MEP1B: variants seen among roughly 807,000 people sequenced by gnomAD.
The protein encoded by MEP1B is meprin A subunit beta, also known as N-benzoyl-L-tyrosyl-P-amino-benzoic acid hydrolase subunit beta.
In MEP1B, 80 loss-of-function variants were observed where a neutral mutation model predicts 84.6. That is an observed-to-expected ratio of 0.95 (90% CI 0.79 to 1.14). The LOEUF (loss-of-function observed/expected upper bound fraction) is 1.14, where lower values mean the gene tolerates loss of function less well. MEP1B is among the 50% of genes most tolerant of loss of function. The pLI is 0.00. For missense variants in MEP1B, 766 were observed against 855.1 expected (o/e 0.90, Z 1.30); for synonymous variants, 273 against 288.1 (o/e 0.95, Z 0.53).
intron 9 of MEP1B, among the ~76,000 whole-genome samples, chr18:32,210,097 C>CT (rs1318262892): frequency 6.6e-6 from 1 of 152,192 alleles, no homozygotes; most frequent in Non-Finnish European, 1.5e-5. Context: ...GTTTTGGACA[C>CT]TTGAAAGGTG....
rs777598097 is a variant in MEP1B, at chr18:32,208,079, T to C, written c.767-40T>C. 3.7e-6 allele frequency: 6 copies of C among 1,601,336 alleles called. No individual in the cohort carries two copies. In the South Asian group the frequency reaches 6.7e-5, roughly 18 times the overall value. ...TCAGTTTTTGTTACTTAGATTATCATGTTGTATGAGTGTCAATAATTGTTT... is the reference window on the plus strand; with the variant it reads ...TCAGTTTTTGTTACTTAGATTATCACGTTGTATGAGTGTCAATAATTGTTT... On this transcript the variant is annotated intron_variant, in intron 8 of 14. Coordinates refer to ENST00000269202, the MANE Select transcript of MEP1B (RefSeq NM_005925.3).
At chr18:32,191,552 T>C (rs891930326) in intron 1 of MEP1B, among the ~76,000 whole-genome samples, 37 of 151,920 alleles carry the variant, frequency 2.4e-4, no homozygotes, top group Admixed American at 1.6e-3. Flanking sequence ...TTCTGCCTTT[T>C]CCCCCCCAAT....
intron 13 of MEP1B, 22 bp downstream of exon 13, chr18:32,217,139 T>C: frequency 1.2e-6 from 2 of 1,608,204 alleles, no homozygotes; most frequent in Non-Finnish European, 1.7e-6. Context: ...TTGAAAGAGA[T>C]CTCTCCATTC....
Position 32,213,919 on chromosome 18 carries a change from G to A in MEP1B, c.1579+360G>A, listed in dbSNP as rs143581386. Among the ~76,000 whole-genome samples the A allele has an allele frequency of 1.2e-4, 19 of 152,234 alleles. No individual in the cohort carries two copies. In the East Asian group the frequency reaches 2.5e-3, roughly 20 times the overall value. On this transcript the variant is annotated intron_variant, in intron 11 of 14. Coordinates refer to ENST00000269202, the MANE Select transcript of MEP1B (RefSeq NM_005925.3). ...AATCTTGAGCAAATAATCTCTTAGGGCCCCAGTGTCCTCAGCTGTAAAGCC... is the reference window on the plus strand; with the variant it reads ...AATCTTGAGCAAATAATCTCTTAGGACCCCAGTGTCCTCAGCTGTAAAGCC...
chr18:32,199,676 C>G (rs1377615351), intron 5 of MEP1B, among the ~76,000 whole-genome samples: 84 of 146,950 alleles, frequency 5.7e-4, no homozygotes, highest in African/African-American at 7.9e-4. Flanking sequence ...TCGTTCCTTC[C>G]TTCCTTCCTT....
intron 6 of MEP1B, among the ~76,000 whole-genome samples, chr18:32,203,515 T>G (rs4799330): frequency 0.33 from 49,659 of 152,014 alleles, 8,310 homozygotes; most frequent in African/African-American, 0.4. Flanking sequence ...AAACCAGGTC[T>G]AGACCACCTT....
At chr18:32,219,805 C>T (rs1438282661) in intron 14 of MEP1B, among the ~76,000 whole-genome samples, 3 of 142,336 alleles carry the variant, frequency 2.1e-5, no homozygotes, top group Non-Finnish European at 4.8e-5. Flanking sequence ...AGTGGAAACA[C>T]ACATGCACAC....
At chr18:32,190,289 T>G (rs2040789645) in intron 1 of MEP1B, among the ~76,000 whole-genome samples, 156 bp downstream of exon 1, 1 of 152,070 alleles carries the variant, frequency 6.6e-6, no homozygotes, top group Non-Finnish European at 1.5e-5. Context: ...GTGGGCAGTG[T>G]GTAGGGAGTG....
At chr18:32,203,602 A>C (rs192417242) in intron 6 of MEP1B, among the ~76,000 whole-genome samples, 61 of 152,302 alleles carry the variant, frequency 4.0e-4, no homozygotes, top group African/African-American at 1.4e-3. Context: ...AAGGTTTTTT[A>C]ATATTATACA....
rs976403759 is a variant in MEP1B at position 32,210,423 on chromosome 18, A to C, written c.920-78A>C. 28 of 1,242,708 alleles carry C rather than the reference A, an allele frequency of 2.3e-5. No homozygotes were observed. The African/African-American group carries it at 3.5e-4, about 15-fold the overall frequency. The allele number at this position is 1,242,708 out of a possible 1,614,324, so 77.0% of individuals were successfully genotyped here. A position where few individuals can be genotyped will look rare whatever the true frequency, so the allele number is the denominator to read the frequency against. On this transcript the variant is annotated intron_variant, in intron 9 of 14. Coordinates refer to ENST00000269202, the MANE Select transcript of MEP1B (RefSeq NM_005925.3). ...ATGTTACTTATGCCTCGCGTAAAGA[A>C]TCTAGCACCACCATTAACAAACACA...
intron 9 of MEP1B, among the ~76,000 whole-genome samples, chr18:32,209,268 C>T (rs966767240): frequency 6.6e-6 from 1 of 152,112 alleles, no homozygotes; most frequent in African/African-American, 2.4e-5. Flanking sequence ...GGGCGGATTA[C>T]CTGAGGTTGG....
Position 32,192,651 on chromosome 18 carries a change from G to T in MEP1B, c.88G>T (p.Asp30Tyr). 1 of 1,613,082 alleles carries T rather than the reference G, an allele frequency of 6.2e-7. No individual in the cohort carries two copies. Among genetic ancestry groups the T allele is most frequent in the South Asian group, 1.1e-5 (1 of 91,026 alleles). The change falls in exon 3 of 15, where the codon GAT (aspartate) becomes TAT (tyrosine). Residue 30 changes from aspartate (D) to tyrosine (Y), a missense_variant. Asp to Tyr is a radical substitution (Grantham distance 160). Coordinates refer to ENST00000269202, the MANE Select transcript of MEP1B (RefSeq NM_005925.3). ...TGTTGTTGTTTTAATCAAAGATGTA[G>T]ATGGCGGAATGGACCAGGACATATT... ...GLATPENFDV[D>Y]GGMDQDIFDI...
At chr18:32,214,391 G>A (rs1653908815) in intron 11 of MEP1B, among the ~76,000 whole-genome samples, 1 of 152,114 alleles carries the variant, frequency 6.6e-6, no homozygotes, top group South Asian at 2.1e-4. Flanking sequence ...TTCTATATAT[G>A]AAAAACATGG....
chr18:32,210,000 T>G (rs1290660245), intron 9 of MEP1B, among the ~76,000 whole-genome samples: 2 of 152,162 alleles, frequency 1.3e-5, no homozygotes, highest in Non-Finnish European at 2.9e-5. Flanking sequence ...TAATTTCCAT[T>G]TTCCTTTTTC....
intron 9 of MEP1B, 47 bp from the exon 10 acceptor site, chr18:32,210,450 ATTCC>A: frequency 6.8e-7 from 1 of 1,480,538 alleles, no homozygotes; most frequent in Non-Finnish European, 9.3e-7. Flanking sequence ...ACAAACACAC[ATTCC>A]TATACCCAGT....
intron 7 of MEP1B, among the ~76,000 whole-genome samples, chr18:32,204,723 A>C (rs1454148341): frequency 6.6e-6 from 1 of 152,146 alleles, no homozygotes; most frequent in African/African-American, 2.4e-5. Context: ...AAAGAACTGA[A>C]ATTTATTCCT....
At position 32,202,971 on chromosome 18, in the gene MEP1B, C is replaced by A; in HGVS notation, c.329C>A (p.Ala110Asp). Residue 110 changes from alanine (A) to aspartate (D), a missense_variant, in exon 6 of 15, where the codon GCT becomes GAT. By Grantham distance (126) the Ala-to-Asp change is moderately radical (BLOSUM62 -2). Coordinates refer to ENST00000269202, the MANE Select transcript of MEP1B (RefSeq NM_005925.3). ...ACATGTATTGACTTTAAGCCTTGGG[C>A]TGGAGAAACAAACTATATATCAGTG... ...LKTCIDFKPW[A>D]GETNYISVFK... 6.2e-7 allele frequency: 1 copy of A among 1,611,998 alleles called. No individual in the cohort carries two copies. Among genetic ancestry groups the A allele is most frequent in the Non-Finnish European group, 8.5e-7 (1 of 1,178,930 alleles).
At chr18:32,210,414 G>T in intron 9 of MEP1B, 87 bp from the exon 10 acceptor site, 2 of 1,108,096 alleles carry the variant, frequency 1.8e-6, no homozygotes, top group Non-Finnish European at 2.6e-6. Context: ...CTTATGCCTC[G>T]CGTAAAGAAT....
chr18:32,203,543 A>G (rs1184506694), intron 6 of MEP1B, among the ~76,000 whole-genome samples: 3 of 152,176 alleles, frequency 2.0e-5, no homozygotes, highest in Non-Finnish European at 2.9e-5. Flanking sequence ...ATTTGCTCCT[A>G]TGTAATATTT....
Sources: allele counts gnomAD v4.1 joint callset (sites outside exome capture counted in the v4.1 genomes callset), GRCh38; gene constraint gnomAD v4.1.1; transcripts MANE v1.5; gene names NCBI Gene and HGNC (gene_info 2026-07-23, HGNC 2026-07-21).